Variants in SGCD observed in about 807,000 individuals in gnomAD.
SGCD encodes sarcoglycan delta, also known as delta-sarcoglycan.
Under a neutral mutation model 36.6 loss-of-function variants are expected in SGCD, and 18 were observed. That is an observed-to-expected ratio of 0.49 (90% CI 0.34 to 0.73). The LOEUF is 0.73. SGCD is among the 30% of genes least tolerant of loss of function. The pLI is 0.01. For synonymous variants in SGCD, 133 were observed against 130.6 expected (o/e 1.02, Z -0.12); for missense variants, 387 against 346.7 (o/e 1.12, Z -0.92).
intron 1 of SGCD, among the ~76,000 whole-genome samples, chr5:156,035,212 G>A (rs577558041): frequency 6.6e-6 from 1 of 152,158 alleles, no homozygotes; most frequent in East Asian, 1.9e-4. Context: ...TTTGTCTTGT[G>A]CATTTTAAAG....
At chr5:155,756,021 A>G in the SGCD span, among the ~76,000 whole-genome samples, 15 of 152,312 alleles carry the variant, frequency 9.8e-5, no homozygotes, top group East Asian at 2.9e-3. Flanking sequence ...TTCAATTACA[A>G]AGTGTGTATG....
intron 3 of SGCD, among the ~76,000 whole-genome samples, chr5:156,204,692 A>G (rs1764232287): frequency 6.6e-6 from 1 of 152,122 alleles, no homozygotes; most frequent in South Asian, 2.1e-4. Context: ...AGGAATAAAT[A>G]TAGTTATATA....
chr5:156,194,390 A>C (rs1386992112), intron 3 of SGCD, among the ~76,000 whole-genome samples: 1 of 152,110 alleles, frequency 6.6e-6, no homozygotes. Context: ...AAAAAAGAAA[A>C]AGAAAAAAGA....
intron 3 of SGCD, among the ~76,000 whole-genome samples, chr5:156,173,662 C>T (rs1317337597): frequency 6.6e-6 from 1 of 151,928 alleles, no homozygotes; most frequent in Non-Finnish European, 1.5e-5. Flanking sequence ...ATTCCAGTGC[C>T]CTTTTAAATA....
At chr5:155,735,024 A>G in the SGCD span, among the ~76,000 whole-genome samples, 1 of 152,254 alleles carries the variant, frequency 6.6e-6, no homozygotes, top group Admixed American at 6.5e-5. Flanking sequence ...AGTTGGATCT[A>G]CAGCACCCAG....
chr5:156,430,417 T>G (rs1561690619), intron 3 of SGCD, among the ~76,000 whole-genome samples: 1 of 152,116 alleles, frequency 6.6e-6, no homozygotes, highest in Non-Finnish European at 1.5e-5. Context: ...TGGATTTTTT[T>G]AAGTTGGTTT....
intron 3 of SGCD, among the ~76,000 whole-genome samples, chr5:156,300,064 T>C (rs1243426526): frequency 6.6e-6 from 1 of 152,126 alleles, no homozygotes; most frequent in East Asian, 1.9e-4. Context: ...ATACTACCTG[T>C]GGGTCTGTCG....
intron 3 of SGCD, among the ~76,000 whole-genome samples, chr5:156,379,166 A>G (rs972632453): frequency 2.6e-5 from 4 of 152,226 alleles, no homozygotes; most frequent in Admixed American, 6.5e-5. Context: ...CTTGCATTCT[A>G]ATGTGGAATC....
At chr5:156,511,699 T>G (rs2127880401) in intron 4 of SGCD, among the ~76,000 whole-genome samples, 1 of 152,352 alleles carries the variant, frequency 6.6e-6, no homozygotes, top group African/African-American at 2.4e-5. Context: ...TCCTTATAAC[T>G]GTCATTCTTT....
chr5:155,953,508 A>G (rs1243500633), intron 1 of SGCD, among the ~76,000 whole-genome samples: 1 of 152,198 alleles, frequency 6.6e-6, no homozygotes, highest in Non-Finnish European at 1.5e-5. Context: ...TCATTCAATC[A>G]GTCATCACCT....
chr5:156,402,790 T>C (rs147971704), intron 3 of SGCD, among the ~76,000 whole-genome samples: 1 of 152,322 alleles, frequency 6.6e-6, no homozygotes, highest in Non-Finnish European at 1.5e-5. Flanking sequence ...CTAGTTCTAC[T>C]TGGACGAGCT....
intron 6 of SGCD, among the ~76,000 whole-genome samples, chr5:156,641,189 G>T (rs1297785011): frequency 2.0e-5 from 3 of 152,166 alleles, no homozygotes; most frequent in African/African-American, 7.2e-5. Context: ...ATTTCCTGTG[G>T]TTAGTTGTCC....
At chr5:156,618,724 G>A (rs751839318) in intron 6 of SGCD, among the ~76,000 whole-genome samples, 9 of 152,140 alleles carry the variant, frequency 5.9e-5, no homozygotes, top group Non-Finnish European at 1.2e-4. Flanking sequence ...GCAAGCTTGA[G>A]GGGTGAATTC....
At chr5:156,469,675 C>A (rs1754871461) in intron 3 of SGCD, among the ~76,000 whole-genome samples, 1 of 152,184 alleles carries the variant, frequency 6.6e-6, no homozygotes, top group African/African-American at 2.4e-5. Context: ...GTCATTTAGT[C>A]CTCACTACAA....
At chr5:156,521,012 G>A (rs1417799220) in intron 4 of SGCD, among the ~76,000 whole-genome samples, 7 of 91,800 alleles carry the variant, frequency 7.6e-5, no homozygotes, top group African/African-American at 3.5e-4. Context: ...GCGAGACTCC[G>A]TCTCAAAAAA....
At chr5:155,830,390 A>G in the SGCD span, among the ~76,000 whole-genome samples, 1 of 152,220 alleles carries the variant, frequency 6.6e-6, no homozygotes, top group Non-Finnish European at 1.5e-5. Flanking sequence ...TTAGGGACAC[A>G]TGCTTATGAC....
At chr5:156,172,318 C>A (rs1383766677) in intron 3 of SGCD, among the ~76,000 whole-genome samples, 2 of 151,982 alleles carry the variant, frequency 1.3e-5, no homozygotes, top group African/African-American at 4.8e-5. Context: ...ACAAAAAACC[C>A]AAAAAATCAG....
intron 6 of SGCD, among the ~76,000 whole-genome samples, chr5:156,608,947 T>C (rs1581248589): frequency 6.6e-6 from 1 of 152,064 alleles, no homozygotes; most frequent in East Asian, 1.9e-4. Context: ...TCTCTGCACA[T>C]GAGATGGGTT....
At chr5:156,671,796 G>A (rs976684701) in intron 7 of SGCD, among the ~76,000 whole-genome samples, 1 of 152,216 alleles carries the variant, frequency 6.6e-6, no homozygotes, top group African/African-American at 2.4e-5. Context: ...TGCTGTGTAA[G>A]AAGCATGGCA....
Sources: gnomAD v4.1 joint callset for allele counts (sites outside exome capture counted in the v4.1 genomes callset) on GRCh38, gnomAD v4.1.1 for gene constraint, MANE v1.5 for transcripts, NCBI Gene and HGNC (gene_info 2026-07-23, HGNC 2026-07-21) for gene names.